Variants in RNGTT observed in about 807,000 individuals in gnomAD.
RNGTT encodes the protein RNA guanylyltransferase and 5'-phosphatase.
RNGTT carries 33 observed loss-of-function variants against 79.3 expected under a neutral mutation model. That is an observed-to-expected ratio of 0.42 (90% confidence interval 0.32 to 0.56). The LOEUF is 0.56. Among genes scored for constraint, RNGTT ranks in the 20% least tolerant of loss-of-function variants. The pLI, the probability that RNGTT is intolerant of heterozygous loss-of-function variation, is 0.17. For missense variants in RNGTT, 497 were observed against 739.1 expected, an observed-to-expected ratio of 0.67 and a Z score of 3.80; for synonymous variants, 222 against 235.9, an observed-to-expected ratio of 0.94 and a Z score of 0.54.
At chr6:88,868,110 T>C (rs1395183115) in intron 8 of RNGTT, among the ~76,000 whole-genome samples, 1 of 151,016 alleles carries the variant, frequency 6.6e-6, no homozygotes, top group East Asian at 2.0e-4. Context: ...TGTATCACTA[T>C]GGAAAATAGT....
At chr6:88,724,378 C>T (rs1776813126) in intron 13 of RNGTT, among the ~76,000 whole-genome samples, 1 of 152,152 alleles carries the variant, frequency 6.6e-6, no homozygotes, top group Non-Finnish European at 1.5e-5. Flanking sequence ...TATGTAAATA[C>T]AATTGTGTTA....
intron 12 of RNGTT, among the ~76,000 whole-genome samples, chr6:88,783,200 A>G (rs1345719049): frequency 6.6e-6 from 1 of 152,198 alleles, no homozygotes; most frequent in Non-Finnish European, 1.5e-5. Flanking sequence ...ATAACAGAAT[A>G]TTATTCAGCC....
intron 12 of RNGTT, among the ~76,000 whole-genome samples, chr6:88,790,008 T>TA (rs891517193): frequency 7.2e-5 from 11 of 152,138 alleles, no homozygotes; most frequent in African/African-American, 2.7e-4. Context: ...CGCTTTGATA[T>TA]AAAACCTCAC....
chr6:88,918,051 C>T (rs1784053223), intron 4 of RNGTT, among the ~76,000 whole-genome samples: 1 of 152,148 alleles, frequency 6.6e-6, no homozygotes, highest in African/African-American at 2.4e-5. Flanking sequence ...GGTGCAGTGG[C>T]TCATGCCTGT....
At chr6:88,692,021 C>T (rs1465957273) in intron 13 of RNGTT, among the ~76,000 whole-genome samples, 5 of 152,048 alleles carry the variant, frequency 3.3e-5, no homozygotes, top group East Asian at 3.9e-4. Flanking sequence ...AATACAAATA[C>T]ATTAAACTTT....
At chr6:88,738,559 T>C (rs1212616807) in intron 13 of RNGTT, among the ~76,000 whole-genome samples, 2 of 152,106 alleles carry the variant, frequency 1.3e-5, no homozygotes, top group South Asian at 2.1e-4. Context: ...GGCAAGAGAA[T>C]CTCTTGAACC....
At chr6:88,825,180 GGTACAC>G in intron 11 of RNGTT, among the ~76,000 whole-genome samples, 1 of 152,000 alleles carries the variant, frequency 6.6e-6, no homozygotes, top group East Asian at 1.9e-4. Flanking sequence ...TACACTGAAG[GGTACAC>G]TGAGAACTAA....
intron 13 of RNGTT, among the ~76,000 whole-genome samples, chr6:88,706,945 TA>T (rs1776149017): frequency 6.6e-6 from 1 of 152,212 alleles, no homozygotes; most frequent in Non-Finnish European, 1.5e-5. Context: ...GACATTAAAA[TA>T]CCTGTTGTTA....
intron 14 of RNGTT, among the ~76,000 whole-genome samples, chr6:88,623,884 A>G (rs1325938380): frequency 1.3e-5 from 2 of 152,086 alleles, no homozygotes; most frequent in Admixed American, 6.6e-5. Flanking sequence ...CAAAGATGTT[A>G]AATACATACA....
At chr6:88,707,417 G>T (rs1194319982) in intron 13 of RNGTT, among the ~76,000 whole-genome samples, 2 of 151,884 alleles carry the variant, frequency 1.3e-5, no homozygotes, top group Admixed American at 1.3e-4. Flanking sequence ...GGTGGGGCGG[G>T]GGAGGGAGTA....
At chr6:88,955,446 A>G (rs1785395429) in intron 1 of RNGTT, among the ~76,000 whole-genome samples, 1 of 150,132 alleles carries the variant, frequency 6.7e-6, no homozygotes, top group South Asian at 2.2e-4. Flanking sequence ...GCTGCTCAGG[A>G]GGCTGAGGCA....
intron 5 of RNGTT, 88 bp from the exon 6 acceptor site, chr6:88,905,043 A>G (rs1374945537): frequency 1.1e-5 from 17 of 1,495,040 alleles, no homozygotes; most frequent in Non-Finnish European, 1.5e-5. Context: ...TCAAGGCTCC[A>G]TATAAAGTAC....
At chr6:88,631,464 C>T (rs945058273) in intron 14 of RNGTT, among the ~76,000 whole-genome samples, 7 of 152,170 alleles carry the variant, frequency 4.6e-5, no homozygotes, top group Non-Finnish European at 7.4e-5. Context: ...CCTTCTATCA[C>T]CTTGACATCT....
chr6:88,799,296 T>A (rs1160921613), intron 12 of RNGTT, among the ~76,000 whole-genome samples: 5 of 152,202 alleles, frequency 3.3e-5, no homozygotes, highest in African/African-American at 1.2e-4. Flanking sequence ...ACAAATTGAT[T>A]CTGAAACTTT....
rs1355866336 is a variant in RNGTT, at chr6:88,639,154, G to A, written c.1507-24759C>T. Among the ~76,000 whole-genome samples, 3 of 151,740 alleles carry A rather than the reference G, an allele frequency of 2.0e-5. No homozygotes were observed. In the East Asian group the frequency reaches 5.8e-4, roughly 29 times the overall value. ...ATGAATAACTTTTTTTATTTTAGAG[G>A]AGGTAACGTCTATTTCTTCATCTAC... is the stretch of plus-strand genomic sequence containing the variant. On this transcript the variant is annotated intron_variant, in intron 14 of 15. Transcript: ENST00000369485.
chr6:88,721,634 T>C (rs1001805575), intron 13 of RNGTT, among the ~76,000 whole-genome samples: 20 of 152,080 alleles, frequency 1.3e-4, no homozygotes, highest in African/African-American at 4.6e-4. Context: ...GGCTAAACTC[T>C]TCAGAATGAT....
intron 13 of RNGTT, among the ~76,000 whole-genome samples, chr6:88,704,665 A>C (rs900484057): frequency 2.8e-4 from 42 of 152,220 alleles, no homozygotes; most frequent in Non-Finnish European, 3.5e-4. Flanking sequence ...CCCAGAACAT[A>C]ATCAAATCTA....
At chr6:88,677,003 C>T (rs1774900527) in intron 14 of RNGTT, among the ~76,000 whole-genome samples, 1 of 152,116 alleles carries the variant, frequency 6.6e-6, no homozygotes, top group South Asian at 2.1e-4. Flanking sequence ...CGCAAATGCC[C>T]ATCAGCAGGT....
intron 2 of RNGTT, 72 bp downstream of exon 2, chr6:88,940,999 T>A (rs954806987): frequency 9.8e-6 from 8 of 817,780 alleles, no homozygotes; most frequent in African/African-American, 8.7e-5. Flanking sequence ...AAGATTTTTT[T>A]AAAAGCCACC....
Sources: gnomAD v4.1 joint callset for allele counts (sites outside exome capture counted in the v4.1 genomes callset) on GRCh38, gnomAD v4.1.1 for gene constraint, MANE v1.5 for transcripts, NCBI Gene and HGNC (gene_info 2026-07-23, HGNC 2026-07-21) for gene names.